Variants in TG observed in about 807,000 individuals in gnomAD.
TG encodes thyroid hormones.
In TG, 270 loss-of-function variants were observed where a neutral mutation model predicts 324.7. The observed-to-expected ratio is 0.83, with a 90% confidence interval of 0.75 to 0.92. TG has a LOEUF of 0.92. TG is among the 40% of genes least tolerant of loss of function. The pLI is 0.00. For synonymous variants in TG, 1,401 were observed against 1,327.0 expected (o/e 1.06, Z -1.21); for missense variants, 3,591 against 3,456.4 (o/e 1.04, Z -0.98).
intron 35 of TG, 108 bp downstream of exon 35, chr8:132,983,520 C>A (rs868521581): frequency 8.2e-6 from 9 of 1,098,616 alleles, no homozygotes; most frequent in Non-Finnish European, 1.3e-5. Context: ...GCATATCACT[C>A]GCATTAATTC....
intron 41 of TG, among the ~76,000 whole-genome samples, chr8:133,061,649 T>TC (rs1427356656): frequency 6.6e-6 from 1 of 151,838 alleles, no homozygotes; most frequent in Non-Finnish European, 1.5e-5. Context: ...CGGAACAGGG[T>TC]CCCCCCATCG....
intron 24 of TG, among the ~76,000 whole-genome samples, chr8:132,934,195 T>G (rs1459929025): frequency 6.6e-6 from 1 of 151,816 alleles, no homozygotes. Flanking sequence ...ATTAGCTGGG[T>G]GTGGTGGTGG....
chr8:133,125,282 T>A (rs982919552), intron 45 of TG, among the ~76,000 whole-genome samples: 2 of 152,092 alleles, frequency 1.3e-5, no homozygotes, highest in Admixed American at 6.5e-5. Context: ...GCAGCATATG[T>A]TCGGATAACA....
At position 133,042,716 on chromosome 8, in the gene TG, T is replaced by C. The variant is rs184045620; in HGVS notation, c.7239+12693T>C. 1.8e-3 allele frequency among the ~76,000 whole-genome samples: 214 copies of C among 118,908 alleles called. 3 individuals are homozygous for C. The highest frequency in any genetic ancestry group is 1.3e-3 in the East Asian group (5 of 3,900). The allele number at this position is 118,908 out of a possible 152,430, so 78.0% of individuals were successfully genotyped here. On this transcript the variant is annotated intron_variant, in intron 41 of 47. Transcript: ENST00000220616. Reference sequence around the variant, plus strand: ...TTTTTTTTTTTTTTTTTTTGTGAGATGGAGTCTTGCTCTGCCACACAAGCT... The same window carrying C: ...TTTTTTTTTTTTTTTTTTTGTGAGACGGAGTCTTGCTCTGCCACACAAGCT...
intron 35 of TG, chr8:132,995,103 G>A: frequency 1.0e-6 from 1 of 969,958 alleles, no homozygotes; most frequent in Non-Finnish European, 1.2e-6. Flanking sequence ...AAGCTGGGAA[G>A]CACAGAGCCT....
intron 41 of TG, among the ~76,000 whole-genome samples, chr8:133,077,735 A>ATGTGTGTGTGTGTGTGTGTG (rs34749093): frequency 6.8e-6 from 1 of 148,062 alleles, no homozygotes; most frequent in African/African-American, 2.5e-5. Flanking sequence ...TCTGGTGTGT[A>ATGTGTGTGTGTGTGTGTGTG]TGTGTGTGTG....
At chr8:133,134,588 C>A in intron 47 of TG, 88 bp from the exon 48 acceptor site, 1 of 1,214,946 alleles carries the variant, frequency 8.2e-7, no homozygotes, top group Non-Finnish European at 1.2e-6. Flanking sequence ...CCACTGGAGG[C>A]TGGGGTCTCT....
chr8:133,034,504 G>A (rs1001465209), intron 41 of TG, among the ~76,000 whole-genome samples: 1 of 152,158 alleles, frequency 6.6e-6, no homozygotes, highest in Non-Finnish European at 1.5e-5. Context: ...TGCTTTGCCT[G>A]TTGGTTTCTT....
intron 45 of TG, among the ~76,000 whole-genome samples, chr8:133,127,581 T>C (rs994112703): frequency 6.6e-6 from 1 of 152,170 alleles, no homozygotes; most frequent in East Asian, 1.9e-4. Flanking sequence ...CCTCCAGAGT[T>C]CCCAGCCCTT....
At chr8:133,071,488 T>C (rs1844024234) in intron 41 of TG, among the ~76,000 whole-genome samples, 1 of 152,192 alleles carries the variant, frequency 6.6e-6, no homozygotes, top group Admixed American at 6.5e-5. Flanking sequence ...AGGGTTATGC[T>C]TGTCATAGTT....
intron 35 of TG, among the ~76,000 whole-genome samples, chr8:133,007,791 G>A (rs1428414532): frequency 2.7e-5 from 4 of 147,462 alleles, no homozygotes; most frequent in Admixed American, 6.8e-5. Flanking sequence ...TTTTTTTAAG[G>A]AAAGTAGTGT....
At chr8:133,125,831 C>T (rs1172215672) in intron 45 of TG, among the ~76,000 whole-genome samples, 1 of 152,100 alleles carries the variant, frequency 6.6e-6, no homozygotes, top group African/African-American at 2.4e-5. Flanking sequence ...TCTTGTAGTT[C>T]ACATAGGAGT....
At chr8:132,922,855 C>T (rs1821303824) in intron 21 of TG, among the ~76,000 whole-genome samples, 1 of 152,168 alleles carries the variant, frequency 6.6e-6, no homozygotes, top group Admixed American at 6.5e-5. Context: ...CCCAAAGGCA[C>T]CACCTGCTAA....
intron 40 of TG, among the ~76,000 whole-genome samples, chr8:133,029,281 GA>G (rs1415376945): frequency 6.6e-6 from 1 of 151,798 alleles, no homozygotes; most frequent in Non-Finnish European, 1.5e-5. Flanking sequence ...TGGATTCTAT[GA>G]AAAAGGAAAG....
chr8:133,049,949 A>G, intron 41 of TG: 6 of 1,613,796 alleles, frequency 3.7e-6, no homozygotes, highest in Non-Finnish European at 5.1e-6. Flanking sequence ...AACTCTCTCG[A>G]CCAGTGCTAA....
chr8:133,104,767 G>A (rs1015977943), intron 43 of TG, among the ~76,000 whole-genome samples: 6 of 152,146 alleles, frequency 3.9e-5, no homozygotes, highest in African/African-American at 1.4e-4. Context: ...ATAGGCTGGG[G>A]GAAGAGGGGA....
Position 133,071,288 on chromosome 8 carries a change from A to C in TG, c.7240-23756A>C, listed in dbSNP as rs374136794. ...GTCTAACCGGGGAAACCAAGGCCAG[A>C]GCATTCACATAATGTGTCGGAGTTT... On this transcript the variant is annotated intron_variant, in intron 41 of 47. Coordinates refer to ENST00000220616, the MANE Select transcript of TG (RefSeq NM_003235.5). 6.6e-5 allele frequency among the ~76,000 whole-genome samples: 10 copies of C among 152,328 alleles called. No homozygotes were observed. In the South Asian group the frequency reaches 1.2e-3, roughly 19 times the overall value.
chr8:132,914,332 G>A (rs1012200714), intron 20 of TG, among the ~76,000 whole-genome samples: 1 of 152,148 alleles, frequency 6.6e-6, no homozygotes, highest in African/African-American at 2.4e-5. Context: ...TTTTTATGGC[G>A]CTAAAGAAAG....
intron 41 of TG, among the ~76,000 whole-genome samples, chr8:133,088,911 T>G (rs1016511136): frequency 1.3e-5 from 2 of 152,210 alleles, no homozygotes; most frequent in African/African-American, 4.8e-5. Flanking sequence ...GTAGAAAACA[T>G]GCAAGAGAAT....
Sources: allele counts gnomAD v4.1 joint callset (sites outside exome capture counted in the v4.1 genomes callset), GRCh38; gene constraint gnomAD v4.1.1; transcripts MANE v1.5; gene names NCBI Gene and HGNC (gene_info 2026-07-23, HGNC 2026-07-21).